Variants in SLC30A8 observed in about 807,000 individuals in gnomAD.
SLC30A8 encodes the protein solute carrier family 30 member 8.
Under a neutral mutation model 36.9 loss-of-function variants are expected in SLC30A8, and 27 were observed. The ratio of observed to expected loss-of-function variants is 0.73; its 90% CI spans 0.54 to 1.01. The LOEUF (loss-of-function observed/expected upper bound fraction) is 1.01. Ranked by LOEUF, SLC30A8 falls within the 50% of genes least tolerant of loss-of-function variation. The pLI, the probability that SLC30A8 is intolerant of heterozygous loss-of-function variation, is 0.00. For missense variants in SLC30A8, 439 were observed against 452.0 expected, an observed-to-expected ratio of 0.97 and a Z score of 0.26; for synonymous variants, 164 against 172.4, an observed-to-expected ratio of 0.95 and a Z score of 0.38.
chr8:117,030,074 C>T (rs1280782892), intron 1 of SLC30A8, among the ~76,000 whole-genome samples: 1 of 152,074 alleles, frequency 6.6e-6, no homozygotes, highest in Non-Finnish European at 1.5e-5. Flanking sequence ...CTGCAGATTA[C>T]AGTTCTAAGA....
chr8:117,080,419 T>C (rs1818636098), intron 2 of SLC30A8, among the ~76,000 whole-genome samples: 1 of 152,180 alleles, frequency 6.6e-6, no homozygotes, highest in Non-Finnish European at 1.5e-5. Flanking sequence ...TGTGTGATGC[T>C]GTGGTTTGAG....
intron 5 of SLC30A8, 142 bp from the exon 6 acceptor site, chr8:117,163,283 T>C: frequency 1.7e-6 from 1 of 572,508 alleles, no homozygotes; most frequent in East Asian, 3.1e-5. Context: ...AAGTCTTCCC[T>C]CTCAGTTGGA....
At chr8:117,043,948 G>T (rs1336651597) in intron 2 of SLC30A8, among the ~76,000 whole-genome samples, 1 of 152,222 alleles carries the variant, frequency 6.6e-6, no homozygotes, top group South Asian at 2.1e-4. Flanking sequence ...AACTAAGTCA[G>T]ATGGAGACAC....
At chr8:116,999,537 A>C (rs73312268) in intron 1 of SLC30A8, among the ~76,000 whole-genome samples, 4,676 of 152,302 alleles carry the variant, frequency 0.031, 253 homozygotes, top group African/African-American at 0.11. Context: ...TGACACTGCA[A>C]CCATGAATTC....
chr8:116,983,519 A>G (rs1212643946), intron 1 of SLC30A8, among the ~76,000 whole-genome samples: 1 of 152,084 alleles, frequency 6.6e-6, no homozygotes. Flanking sequence ...CTACAGTTGT[A>G]TTTTGTGGCA....
chr8:117,119,851 T>C (rs187003989), intron 2 of SLC30A8, among the ~76,000 whole-genome samples: 1 of 151,722 alleles, frequency 6.6e-6, no homozygotes, highest in African/African-American at 2.4e-5. Flanking sequence ...CCATGAACTA[T>C]CAGAAAAGAA....
intron 1 of SLC30A8, among the ~76,000 whole-genome samples, chr8:117,141,768 G>A (rs182439651): frequency 1.8e-4 from 28 of 152,244 alleles, no homozygotes; most frequent in African/African-American, 5.5e-4. Context: ...TCTACTCAAC[G>A]TGGTACTGTG....
At chr8:116,993,001 C>T (rs965921842) in intron 1 of SLC30A8, among the ~76,000 whole-genome samples, 1 of 152,012 alleles carries the variant, frequency 6.6e-6, no homozygotes, top group Non-Finnish European at 1.5e-5. Context: ...TTTCAGAGTG[C>T]CATGGTGGCT....
intron 4 of SLC30A8, among the ~76,000 whole-genome samples, chr8:117,160,011 A>G (rs1822695977): frequency 6.6e-6 from 1 of 152,218 alleles, no homozygotes; most frequent in African/African-American, 2.4e-5. Flanking sequence ...GCAAGTAGAT[A>G]GTTATTTATG....
At chr8:116,963,683 AC>A (rs1191046506) in intron 1 of SLC30A8, among the ~76,000 whole-genome samples, 3 of 151,980 alleles carry the variant, frequency 2.0e-5, no homozygotes, top group Non-Finnish European at 2.9e-5. Flanking sequence ...GGTTGTTTCT[AC>A]TTTTTGGCTA....
chr8:117,039,788 A>G (rs892893453), intron 2 of SLC30A8, among the ~76,000 whole-genome samples: 9 of 152,316 alleles, frequency 5.9e-5, no homozygotes, highest in Middle Eastern at 3.4e-3. Flanking sequence ...TAGCATGCAT[A>G]TAGTAGGTGT....
intron 1 of SLC30A8, among the ~76,000 whole-genome samples, chr8:117,146,632 A>T (rs1292024390): frequency 1.3e-5 from 2 of 152,148 alleles, no homozygotes; most frequent in African/African-American, 4.8e-5. Context: ...GTCTTTTTAG[A>T]GTGAAATAAC....
At chr8:117,159,563 G>C (rs1329996277) in intron 4 of SLC30A8, among the ~76,000 whole-genome samples, 1 of 152,160 alleles carries the variant, frequency 6.6e-6, no homozygotes, top group African/African-American at 2.4e-5. Flanking sequence ...TCACTGACTA[G>C]ATCCCCATCT....
chr8:117,163,582 A>G, intron 6 of SLC30A8, 52 bp downstream of exon 6: 5 of 1,370,102 alleles, frequency 3.6e-6, no homozygotes, highest in Non-Finnish European at 5.1e-6. Flanking sequence ...TCTTCCCTAG[A>G]ATCACAAAAG....
chr8:117,150,645 A>G (rs960822522), intron 2 of SLC30A8, among the ~76,000 whole-genome samples: 14 of 151,998 alleles, frequency 9.2e-5, no homozygotes, highest in African/African-American at 2.7e-4. Flanking sequence ...TCGTTCTGTC[A>G]CCCAGGCTGG....
intron 1 of SLC30A8, among the ~76,000 whole-genome samples, chr8:116,967,071 A>T (rs1208543997): frequency 6.6e-6 from 1 of 152,230 alleles, no homozygotes; most frequent in Non-Finnish European, 1.5e-5. Context: ...GTCATTGTCA[A>T]AAGTGAAATG....
intron 5 of SLC30A8, among the ~76,000 whole-genome samples, chr8:117,162,159 T>C (rs1822825331): frequency 6.6e-6 from 1 of 152,218 alleles, no homozygotes; most frequent in Non-Finnish European, 1.5e-5. Flanking sequence ...ATTTATTGGA[T>C]GTGCTCCTAG....
At chr8:117,065,431 A>T (rs1818139672) in intron 2 of SLC30A8, among the ~76,000 whole-genome samples, 1 of 152,216 alleles carries the variant, frequency 6.6e-6, no homozygotes, top group African/African-American at 2.4e-5. Context: ...GAAATGAATG[A>T]ATATGAAATT....
chr8:117,094,315 C>G (rs1036181998), intron 2 of SLC30A8, among the ~76,000 whole-genome samples: 2 of 152,180 alleles, frequency 1.3e-5, no homozygotes, highest in African/African-American at 4.8e-5. Context: ...GGAGGGTGAG[C>G]AAGGTGAAGA....
Sources: allele counts gnomAD v4.1 joint callset (sites outside exome capture counted in the v4.1 genomes callset), GRCh38; gene constraint gnomAD v4.1.1; transcripts MANE v1.5; gene names NCBI Gene and HGNC (gene_info 2026-07-23, HGNC 2026-07-21).